IGFBP7: variants seen among roughly 807,000 people sequenced by gnomAD.
IGFBP7 encodes insulin like growth factor binding protein 7.
IGFBP7 carries 31 observed loss-of-function variants against 29.4 expected under a neutral mutation model. The ratio of observed to expected loss-of-function variants is 1.05; its 90% CI spans 0.79 to 1.42. The LOEUF (loss-of-function observed/expected upper bound fraction) is 1.42, where lower values mean the gene tolerates loss of function less well. Among genes scored for constraint, IGFBP7 ranks in the 40% most tolerant of loss-of-function variants. The pLI is 0.00. For synonymous variants in IGFBP7, 172 were observed against 174.9 expected, an observed-to-expected ratio of 0.98 and a Z score of 0.13; for missense variants, 393 against 395.5, an observed-to-expected ratio of 0.99 and a Z score of 0.05.
At chr4:57,032,603 T>A (rs773654576) in intron 3 of IGFBP7, 51 bp from the exon 4 acceptor site, 34 of 1,427,558 alleles carry the variant, frequency 2.4e-5, no homozygotes, top group Middle Eastern at 1.8e-4. Context: ...TTCTCTTTTG[T>A]CAGTGGTTCC....
At chr4:57,089,174 CACT>C (rs1725576887) in intron 1 of IGFBP7, among the ~76,000 whole-genome samples, 1 of 151,872 alleles carries the variant, frequency 6.6e-6, no homozygotes, top group African/African-American at 2.4e-5. Context: ...AGCTTAAAAA[CACT>C]ACAATAATTA....
chr4:57,088,755 A>T (rs7685467), intron 1 of IGFBP7, among the ~76,000 whole-genome samples: 1 of 151,844 alleles, frequency 6.6e-6, no homozygotes, highest in African/African-American at 2.4e-5. Flanking sequence ...CTGGCTGGGC[A>T]CGGTGGCTCA....
chr4:57,065,696 A>C (rs1379450821), intron 1 of IGFBP7: 2 of 152,224 alleles, frequency 1.3e-5, no homozygotes, highest in African/African-American at 4.8e-5. Flanking sequence ...GCAGCAAAAG[A>C]AGCTCTGATT....
chr4:57,083,614 C>T (rs17087557), intron 1 of IGFBP7, among the ~76,000 whole-genome samples: 5,109 of 152,258 alleles, frequency 0.034, 283 homozygotes, highest in African/African-American at 0.12. Context: ...TTTTGGTTGC[C>T]ATACAGCATG....
At chr4:57,088,357 G>C (rs1225108200) in intron 1 of IGFBP7, among the ~76,000 whole-genome samples, 2 of 152,154 alleles carry the variant, frequency 1.3e-5, no homozygotes, top group Non-Finnish European at 2.9e-5. Flanking sequence ...GTTAAAATAA[G>C]GTAGGCTATA....
chr4:57,051,786 G>C (rs1262768578), intron 1 of IGFBP7, among the ~76,000 whole-genome samples: 1 of 152,190 alleles, frequency 6.6e-6, no homozygotes. Context: ...CCAGTCATTA[G>C]ACCATCAAAA....
intron 1 of IGFBP7, among the ~76,000 whole-genome samples, chr4:57,079,251 A>G (rs926403541): frequency 6.7e-6 from 1 of 148,804 alleles, no homozygotes; most frequent in African/African-American, 2.4e-5. Context: ...TGTGTTTTAA[A>G]AAAACAAATT....
At chr4:57,090,909 A>G (rs776347503) in intron 1 of IGFBP7, among the ~76,000 whole-genome samples, 6 of 152,224 alleles carry the variant, frequency 3.9e-5, no homozygotes, top group Non-Finnish European at 5.9e-5. Flanking sequence ...TTTCTAGTTT[A>G]GTTAACATTT....
At chr4:57,034,640 T>TA (rs2109736229) in intron 2 of IGFBP7, among the ~76,000 whole-genome samples, 1 of 152,304 alleles carries the variant, frequency 6.6e-6, no homozygotes, top group Admixed American at 6.5e-5. Context: ...ATCCCACTCC[T>TA]ACCATGTGTT....
chr4:57,069,210 G>A (rs1724996787), intron 1 of IGFBP7, among the ~76,000 whole-genome samples: 1 of 152,166 alleles, frequency 6.6e-6, no homozygotes, highest in African/African-American at 2.4e-5. Flanking sequence ...GTCCAGTAAA[G>A]AAACTCAACT....
At chr4:57,054,967 C>T (rs1718874) in intron 1 of IGFBP7, among the ~76,000 whole-genome samples, 125,699 of 152,094 alleles carry the variant, frequency 0.83, 52,434 homozygotes, top group East Asian at 0.94. Context: ...GGAAAAGATT[C>T]ACACTTTAGA....
chr4:57,043,223 C>T (rs1443803199), intron 1 of IGFBP7, among the ~76,000 whole-genome samples: 1 of 152,220 alleles, frequency 6.6e-6, no homozygotes, highest in Admixed American at 6.5e-5. Context: ...AGCTGGCAGT[C>T]TGGGATCCTC....
intron 1 of IGFBP7, among the ~76,000 whole-genome samples, chr4:57,093,499 CAA>C (rs538065423): frequency 8.5e-4 from 94 of 110,046 alleles, no homozygotes; most frequent in African/African-American, 2.0e-3. Flanking sequence ...GACTCTGTCT[CAA>C]AAAAAAAAAA....
At chr4:57,068,746 G>C (rs1319264126) in intron 1 of IGFBP7, among the ~76,000 whole-genome samples, 1 of 152,208 alleles carries the variant, frequency 6.6e-6, no homozygotes, top group Admixed American at 6.5e-5. Context: ...TGAAGGCACC[G>C]AGGGAAGTGA....
At chr4:57,084,787 G>A (rs12510178) in intron 1 of IGFBP7, among the ~76,000 whole-genome samples, 22,532 of 65,550 alleles carry the variant, frequency 0.34, 2,950 homozygotes, top group Non-Finnish European at 0.44. Flanking sequence ...GTTTAAAAAA[G>A]GTTTTTTTTT....
At chr4:57,073,234 G>GTAT (rs58332055) in intron 1 of IGFBP7, 9 of 527,270 alleles carry the variant, frequency 1.7e-5, no homozygotes, top group Admixed American at 3.5e-5. Flanking sequence ...TTGAGCTGTG[G>GTAT]TATTATTATT....
At chr4:57,090,711 G>T (rs904790221) in intron 1 of IGFBP7, among the ~76,000 whole-genome samples, 2 of 152,010 alleles carry the variant, frequency 1.3e-5, no homozygotes, top group Non-Finnish European at 2.9e-5. Context: ...AGCCAGGTGT[G>T]GTGGTGCACG....
chr4:57,037,214 T>A (rs1724102651), intron 2 of IGFBP7, among the ~76,000 whole-genome samples: 1 of 152,164 alleles, frequency 6.6e-6, no homozygotes, highest in Admixed American at 6.6e-5. Context: ...TTGCTTTGGG[T>A]CATGCATGTG....
At chr4:57,086,488 A>G (rs1303145540) in intron 1 of IGFBP7, among the ~76,000 whole-genome samples, 1 of 152,034 alleles carries the variant, frequency 6.6e-6, no homozygotes, top group Non-Finnish European at 1.5e-5. Flanking sequence ...CTATTATTGG[A>G]TCTGTCATCA....
Sources: allele counts gnomAD v4.1 joint callset (sites outside exome capture counted in the v4.1 genomes callset), GRCh38; gene constraint gnomAD v4.1.1; transcripts MANE v1.5; gene names NCBI Gene and HGNC (gene_info 2026-07-23, HGNC 2026-07-21).